NDUFAF5: variants seen among roughly 807,000 people sequenced by gnomAD.
NDUFAF5 encodes the protein arginine-hydroxylase NDUFAF5, mitochondrial.
In NDUFAF5, 34 loss-of-function variants were observed where a neutral mutation model predicts 48.9. The ratio of observed to expected loss-of-function variants is 0.70; its 90% confidence interval spans 0.53 to 0.93. The LOEUF (loss-of-function observed/expected upper bound fraction) is 0.93. Among genes scored for constraint, NDUFAF5 ranks in the 40% least tolerant of loss-of-function variants. The pLI is 0.00. For synonymous variants in NDUFAF5, 153 were observed against 150.6 expected (o/e 1.02, Z -0.12); for missense variants, 428 against 427.5 (o/e 1.00, Z -0.01).
At chr20:13,793,154 T>G (rs1041064461) in intron 3 of NDUFAF5, 26 bp from the exon 4 acceptor site, 1 of 1,613,746 alleles carries the variant, frequency 6.2e-7, no homozygotes. Context: ...GATTTGTTTG[T>G]TTCAGCTTCA....
At chr20:13,806,110 C>T (rs1335348795) in intron 7 of NDUFAF5, among the ~76,000 whole-genome samples, 1 of 152,122 alleles carries the variant, frequency 6.6e-6, no homozygotes, top group Non-Finnish European at 1.5e-5. Context: ...GATGTATTTA[C>T]ATCTTAATGT....
At chr20:13,814,579 G>T in intron 8 of NDUFAF5, 1 of 830,600 alleles carries the variant, frequency 1.2e-6, no homozygotes, top group South Asian at 1.4e-5. Flanking sequence ...AATAAATTAG[G>T]TTTATTTTTG....
Position 13,818,173 on chromosome 20 carries a change from T to C in NDUFAF5, c.*963T>C. 1 of 454,112 alleles carries C rather than the reference T, an allele frequency of 2.2e-6. No individual in the cohort carries two copies. The highest frequency in any genetic ancestry group is 4.4e-6 in the Non-Finnish European group (1 of 226,796). 28.1% of individuals were successfully genotyped at this position (454,112 alleles called of 1,614,324 possible). A position where few individuals can be genotyped will look rare whatever the true frequency, so the allele number is the denominator to read the frequency against. ...TACTGTATTAGCAACAAGCTGTCCA[T>C]GGGTGGGGGCTGTGTGTTAGCCTGT... On this transcript the variant is annotated 3_prime_UTR_variant, in exon 11 of 11. Transcript: ENST00000378106.
intron 3 of NDUFAF5, 73 bp from the exon 4 acceptor site, chr20:13,793,106 CT>C: frequency 1.3e-6 from 2 of 1,514,958 alleles, no homozygotes; most frequent in Non-Finnish European, 1.8e-6. Flanking sequence ...GTAATTAACA[CT>C]TTTACCTTTA....
chr20:13,813,975 G>C (rs1986171555), intron 8 of NDUFAF5: 1 of 160,182 alleles, frequency 6.2e-6, no homozygotes, highest in African/African-American at 2.4e-5. Flanking sequence ...ATACATTTGT[G>C]TGTGTTAGAA....
intron 2 of NDUFAF5, 82 bp downstream of exon 2, chr20:13,787,434 G>A: frequency 7.9e-7 from 1 of 1,263,436 alleles, no homozygotes; most frequent in South Asian, 1.2e-5. Context: ...CTTGCTATCT[G>A]AAATGGCAGA....
intron 3 of NDUFAF5, among the ~76,000 whole-genome samples, chr20:13,789,651 AT>A (rs1981941122): frequency 6.7e-6 from 1 of 149,656 alleles, no homozygotes; most frequent in Non-Finnish European, 1.5e-5. Flanking sequence ...AATTTTTTGT[AT>A]TTTTTAGTAG....
At chr20:13,787,250 T>C (rs990728941) in intron 1 of NDUFAF5, 62 bp from the exon 2 acceptor site, 6 of 1,526,904 alleles carry the variant, frequency 3.9e-6, no homozygotes, top group Non-Finnish European at 1.8e-6. Context: ...ACTTGTGGAT[T>C]GTTGAATACT....
chr20:13,794,980 A>G, intron 5 of NDUFAF5, 39 bp downstream of exon 5: 1 of 1,382,406 alleles, frequency 7.2e-7, no homozygotes, highest in Non-Finnish European at 1.0e-6. Context: ...TGTTATAAAC[A>G]GATCATTCTT....
chr20:13,786,606 C>T (rs1165692001), intron 1 of NDUFAF5, among the ~76,000 whole-genome samples: 1 of 152,136 alleles, frequency 6.6e-6, no homozygotes, highest in African/African-American at 2.4e-5. Flanking sequence ...TCTCAAAAAG[C>T]AGGTACATCT....
Position 13,788,636 on chromosome 20 carries a change from C to G in NDUFAF5, c.311C>G (p.Ala104Gly), listed in dbSNP as rs749674610. Residue 104 changes from alanine to glycine, a missense_variant, in exon 3 of 11, where the codon GCA becomes GGA. Physicochemically the swap from Ala to Gly is moderately conservative, Grantham distance 60. Coordinates refer to ENST00000378106, the MANE Select transcript of NDUFAF5 (RefSeq NM_024120.5). ...CTTGGTTGTGGAAGAGGTTACATTGCACAATATTTGAATAAGGTATATTTA... is the reference window on the plus strand; with the variant it reads ...CTTGGTTGTGGAAGAGGTTACATTGGACAATATTTGAATAAGGTATATTTA... ...LDLGCGRGYI[A>G]QYLNKETIGK... The G allele has an allele frequency of 6.2e-7, 1 of 1,609,228 alleles. No homozygotes were observed. Among genetic ancestry groups the G allele is most frequent in the African/African-American group, 1.3e-5 (1 of 74,772 alleles).
intron 3 of NDUFAF5, among the ~76,000 whole-genome samples, chr20:13,792,087 C>T (rs548369806): frequency 2.0e-4 from 31 of 152,328 alleles, no homozygotes; most frequent in African/African-American, 7.5e-4. Context: ...TCTTCCAACT[C>T]CAGGGACCTC....
chr20:13,809,365 T>C (rs1985533352), intron 8 of NDUFAF5, among the ~76,000 whole-genome samples: 1 of 152,096 alleles, frequency 6.6e-6, no homozygotes, highest in Non-Finnish European at 1.5e-5. Flanking sequence ...AGAAGTGTTA[T>C]CTGAGGAAGT....
Position 13,818,308 on chromosome 20 carries a change from G to T in NDUFAF5, c.*1098G>T, listed in dbSNP as rs1246583250. ...AAGTTATAGTTAAAAACCAAGATTT[G>T]TAGGAGAAAAAGAAATTATTGTTCC... is the stretch of plus-strand genomic sequence containing the variant. On this transcript the variant is annotated 3_prime_UTR_variant, in exon 11 of 11. Transcript: ENST00000378106. The T allele has an allele frequency of 4.6e-6, 2 of 434,898 alleles. No homozygotes were observed. The highest frequency in any genetic ancestry group is 5.0e-5 in the Admixed American group (2 of 39,648). The allele number at this position is 434,898 out of a possible 1,614,324, so 26.9% of individuals were successfully genotyped here. A position where few individuals can be genotyped will look rare whatever the true frequency, so the allele number is the denominator to read the frequency against.
At chr20:13,801,275 G>A (rs922920592) in intron 6 of NDUFAF5, among the ~76,000 whole-genome samples, 2 of 152,018 alleles carry the variant, frequency 1.3e-5, no homozygotes, top group Non-Finnish European at 2.9e-5. Context: ...ATTAATATTA[G>A]TGAATGTATA....
Position 13,817,115 on chromosome 20 carries a change from C to A in NDUFAF5, c.946-3C>A. ...TAATATCTTTAATCTTTATTATTTT[C>A]AGGCAAGACCAGCTGAAAGAGGTTC... is the stretch of plus-strand genomic sequence containing the variant. On this transcript the variant is annotated splice_polypyrimidine_tract_variant and splice_region_variant and intron_variant, in intron 10 of 10. Coordinates refer to ENST00000378106, the MANE Select transcript of NDUFAF5 (RefSeq NM_024120.5). 1 of 1,612,958 alleles carries A rather than the reference C, an allele frequency of 6.2e-7. No individual in the cohort carries two copies. Among genetic ancestry groups the A allele is most frequent in the Non-Finnish European group, 8.5e-7 (1 of 1,179,096 alleles).
At position 13,818,120 on chromosome 20, in the gene NDUFAF5, GTC is replaced by G; in HGVS notation, c.*916_*917del. The G allele has an allele frequency of 4.4e-6, 2 of 454,076 alleles. No individual in the cohort carries two copies. The highest frequency in any genetic ancestry group is 3.1e-5 in the South Asian group (2 of 64,478). 28.1% of individuals were successfully genotyped at this position (454,076 alleles called of 1,614,324 possible). Reference sequence around the variant, plus strand: ...TAGCATTTCCTTCTGTCTCCTCTCAGTCTCTCTTCTGCCTTCCTTCCCTCCTT... The same window carrying G: ...TAGCATTTCCTTCTGTCTCCTCTCAGTCTCTTCTGCCTTCCTTCCCTCCTT... On this transcript the variant is annotated 3_prime_UTR_variant, in exon 11 of 11. Transcript: ENST00000378106.
At chr20:13,793,263 C>A in intron 4 of NDUFAF5, 36 bp downstream of exon 4, 1 of 1,482,364 alleles carries the variant, frequency 6.7e-7, no homozygotes, top group South Asian at 1.1e-5. Context: ...TTTCTAATCT[C>A]GTGATGTGTT....
In NDUFAF5 at chr20:13,819,466, T is replaced by G. The variant is rs1986832161; in HGVS notation, c.*2256T>G. ...TCACTGCTGCCTCCGCTTCCTGGGT[T>G]CAAGTGATTCTTCCTGCCTCAGCTT... On this transcript the variant is annotated 3_prime_UTR_variant, in exon 11 of 11. Transcript: ENST00000378106. The G allele has an allele frequency of 6.6e-6, 1 of 152,242 alleles. No homozygotes were observed. The highest frequency in any genetic ancestry group is 2.1e-4 in the South Asian group (1 of 4,834). 9.4% of individuals were successfully genotyped at this position (152,242 alleles called of 1,614,324 possible).
Sources: allele counts gnomAD v4.1 joint callset (sites outside exome capture counted in the v4.1 genomes callset), GRCh38; gene constraint gnomAD v4.1.1; transcripts MANE v1.5; gene names NCBI Gene and HGNC (gene_info 2026-07-23, HGNC 2026-07-21).